PSD3: variants seen among roughly 807,000 people sequenced by gnomAD.
The protein encoded by PSD3 is PH and SEC7 domain-containing protein 3.
PSD3 carries 49 observed loss-of-function variants against 105.5 expected under a neutral mutation model. That is an observed-to-expected ratio of 0.46 (90% CI 0.37 to 0.59). PSD3 has a LOEUF of 0.59. Among genes scored for constraint, PSD3 ranks in the 20% least tolerant of loss-of-function variants. The pLI is 0.00. For missense variants in PSD3, 1,561 were observed against 1,263.8 expected, an observed-to-expected ratio of 1.24 and a Z score of -3.57; for synonymous variants, 557 against 457.8, an observed-to-expected ratio of 1.22 and a Z score of -2.77.
In PSD3 at chr8:18,765,549, G is replaced by A. The variant is rs764732032; in HGVS notation, c.2083-11C>T. On this transcript the variant is annotated splice_polypyrimidine_tract_variant and intron_variant, in intron 8 of 15. Transcript: ENST00000327040. Reference sequence around the variant, plus strand: ...CTTCTTTCCAATATTCTGAAACAGAGGCAAACAGTACATCACTATGACATT... The same window carrying A: ...CTTCTTTCCAATATTCTGAAACAGAAGCAAACAGTACATCACTATGACATT... The A allele has an allele frequency of 1.0e-5, 16 of 1,557,862 alleles. No individual in the cohort carries two copies. The highest frequency in any genetic ancestry group is 1.4e-5 in the Non-Finnish European group (16 of 1,129,058).
chr8:18,867,772 G>A lies in PSD3; in HGVS notation c.1536C>T (p.Gly512=). 1.2e-6 allele frequency: 2 copies of A among 1,614,106 alleles called. No individual in the cohort carries two copies. The highest frequency in any genetic ancestry group is 1.7e-6 in the Non-Finnish European group (2 of 1,180,002). Residue 512 remains glycine, a synonymous_variant, in exon 4 of 16, where the codon GGC becomes GGT. Transcript: ENST00000327040. The part of the protein sequence containing the change: ...QDILSVSADG[G]IVMGYSSGVT... ...CGCCACTAGAATAGCCCATCACGAT[G>A]CCACCATCTGCAGACACACTCAGGA... is the stretch of plus-strand genomic sequence containing the variant.
At chr8:18,826,286 C>T (rs548657036) in intron 4 of PSD3, among the ~76,000 whole-genome samples, 3 of 152,260 alleles carry the variant, frequency 2.0e-5, no homozygotes, top group East Asian at 1.9e-4. Flanking sequence ...TCTTGGCCTC[C>T]GTAATCACGT....
chr8:18,648,188 G>A (rs999347837), intron 10 of PSD3, among the ~76,000 whole-genome samples: 1 of 152,216 alleles, frequency 6.6e-6, no homozygotes, highest in African/African-American at 2.4e-5. Context: ...GCAGAGGTTG[G>A]AAGAGTGTGG....
At chr8:18,956,044 A>G (rs1463872331) in intron 1 of PSD3, among the ~76,000 whole-genome samples, 2 of 152,180 alleles carry the variant, frequency 1.3e-5, no homozygotes, top group African/African-American at 4.8e-5. Context: ...CTGGGATTAC[A>G]GAAGTGAGCC....
At chr8:18,837,702 G>A (rs1228804438) in intron 4 of PSD3, among the ~76,000 whole-genome samples, 1 of 152,196 alleles carries the variant, frequency 6.6e-6, no homozygotes, top group Admixed American at 6.5e-5. Flanking sequence ...ACTTTGGGAG[G>A]CTGAAACAGG....
At chr8:18,792,036 T>C (rs1168695563) in intron 8 of PSD3, among the ~76,000 whole-genome samples, 2 of 152,148 alleles carry the variant, frequency 1.3e-5, no homozygotes, top group Admixed American at 1.3e-4. Context: ...CCAGTCAGAA[T>C]GGCTACATTA....
chr8:18,675,058 T>C (rs1018213765), intron 9 of PSD3, among the ~76,000 whole-genome samples: 1 of 114,026 alleles, frequency 8.8e-6, no homozygotes, highest in Non-Finnish European at 2.2e-5. Context: ...ATAAATCTGC[T>C]GGACCTTTAT....
intron 4 of PSD3, among the ~76,000 whole-genome samples, chr8:18,842,262 G>T (rs993873206): frequency 1.3e-5 from 2 of 152,180 alleles, no homozygotes; most frequent in Non-Finnish European, 2.9e-5. Context: ...TAAACCCAAG[G>T]CAGCTGAAGA....
At chr8:19,035,540 T>C (rs187272167) in intron 1 of PSD3, among the ~76,000 whole-genome samples, 1 of 152,192 alleles carries the variant, frequency 6.6e-6, no homozygotes, top group East Asian at 1.9e-4. Flanking sequence ...AATTGTCTAG[T>C]CTCCCTTTTA....
chr8:18,812,167 T>C (rs996506152), intron 4 of PSD3, among the ~76,000 whole-genome samples: 7 of 152,290 alleles, frequency 4.6e-5, no homozygotes, highest in Non-Finnish European at 7.3e-5. Context: ...AAAAGGAATA[T>C]AGCACAATCT....
chr8:18,816,994 G>A (rs528468670), intron 4 of PSD3, among the ~76,000 whole-genome samples: 3 of 152,162 alleles, frequency 2.0e-5, no homozygotes, highest in African/African-American at 7.2e-5. Flanking sequence ...GGCTTTGCAA[G>A]CTATCTTCAG....
chr8:18,651,095 A>G (rs896676673), intron 10 of PSD3, among the ~76,000 whole-genome samples: 2 of 152,228 alleles, frequency 1.3e-5, no homozygotes, highest in African/African-American at 4.8e-5. Context: ...ATAGAACCCT[A>G]TACATATATT....
chr8:18,806,966 G>A (rs992618837), intron 4 of PSD3, among the ~76,000 whole-genome samples: 7 of 152,144 alleles, frequency 4.6e-5, no homozygotes, highest in Admixed American at 1.3e-4. Context: ...CAGTGGTAAC[G>A]ACTAAACAAC....
At chr8:18,893,856 T>C (rs1818973019) in intron 2 of PSD3, among the ~76,000 whole-genome samples, 1 of 152,224 alleles carries the variant, frequency 6.6e-6, no homozygotes, top group South Asian at 2.1e-4. Flanking sequence ...TTCTGCTCCA[T>C]TTCCTTGGCC....
chr8:18,812,018 C>T (rs1415437604), intron 4 of PSD3, among the ~76,000 whole-genome samples: 1 of 152,128 alleles, frequency 6.6e-6, no homozygotes, highest in African/African-American at 2.4e-5. Flanking sequence ...CGATTGCTTA[C>T]TAATAGATGT....
At chr8:18,934,881 C>A (rs977116329) in intron 2 of PSD3, among the ~76,000 whole-genome samples, 1 of 152,176 alleles carries the variant, frequency 6.6e-6, no homozygotes. Context: ...TAAAATTACA[C>A]GTTTTGAAAT....
chr8:18,857,258 CTCTCAAAAGCAGCTTCCAGTAAACGCT>C (rs1190519197), intron 4 of PSD3, among the ~76,000 whole-genome samples: 1 of 152,206 alleles, frequency 6.6e-6, no homozygotes, highest in East Asian at 1.9e-4. Flanking sequence ...CAGTAAACGC[CTCTCAAAAGCAGCTTCCAGTAAACGCT>C]TCCCAAACTT....
rs201973697 is a variant in PSD3 at position 19,033,086 on chromosome 8, A to AAAACAAAC, written c.324+51112_324+51119dup. Among the ~76,000 whole-genome samples the AAAACAAAC allele has an allele frequency of 7.0e-3, 1,059 of 151,736 alleles. 4 individuals are homozygous for AAAACAAAC. Among genetic ancestry groups the AAAACAAAC allele is most frequent in the Admixed American group, 8.9e-3 (135 of 15,242 alleles). ...ACTGAACATAGCAAGACCCTATCTC[A>AAAACAAAC]AAACAAACAAACAAACAAACAAACA... On this transcript the variant is annotated intron_variant, in intron 1 of 1. Coordinates refer to the PSD3 transcript ENST00000521475.
intron 14 of PSD3, among the ~76,000 whole-genome samples, chr8:18,570,766 C>A (rs1802079340): frequency 6.6e-6 from 1 of 151,956 alleles, no homozygotes; most frequent in Admixed American, 6.6e-5. Flanking sequence ...GTAGTATCTT[C>A]TTCTAACAAT....
Sources: allele counts gnomAD v4.1 joint callset (sites outside exome capture counted in the v4.1 genomes callset), GRCh38; gene constraint gnomAD v4.1.1; transcripts MANE v1.5; gene names NCBI Gene and HGNC (gene_info 2026-07-23, HGNC 2026-07-21).